The following DMD variants were observed in gnomAD, a reference collection of about 807,000 sequenced individuals.
DMD encodes dystrophin, also known as mutant dystrophin.
Under a neutral mutation model 330.1 loss-of-function variants are expected in DMD, and 63 were observed. The ratio of observed to expected loss-of-function variants is 0.19; its 90% confidence interval spans 0.16 to 0.24. The LOEUF is 0.24. Ranked by LOEUF, DMD falls within the 10% of genes least tolerant of loss-of-function variation. The pLI is 1.00. For missense variants in DMD, 3,344 were observed against 2,684.1 expected, an observed-to-expected ratio of 1.25 and a Z score of -5.43; for synonymous variants, 1,223 against 959.8, an observed-to-expected ratio of 1.27 and a Z score of -5.07.
intron 1 of DMD, among the ~76,000 whole-genome samples, chrX:33,044,025 T>C (rs1182696374): frequency 9.0e-6 from 1 of 111,607 alleles, no homozygotes; most frequent in Non-Finnish European, 1.9e-5. Context: ...GAGCTTCCAC[T>C]AGGCCAGAGG....
rs188363739 is a variant in DMD, at chrX:31,844,853, A to G, written c.7099-8034T>C. On this transcript the variant is annotated intron_variant, in intron 48 of 78. Transcript: ENST00000357033. ...CACTGCAATAACATATTTTTAAATT[A>G]AGGCATGTACATTAGTTTTTAGGCA... Among the ~76,000 whole-genome samples the G allele has an allele frequency of 9.7e-4, 108 of 110,790 alleles. 1 individual carries two copies. Among genetic ancestry groups the G allele is most frequent in the African/African-American group, 3.5e-3 (106 of 30,484 alleles).
rs966697661 is a variant in DMD at position 32,905,156 on chromosome X, T to C, written c.94-55336A>G. Among the ~76,000 whole-genome samples, 63 of 111,969 alleles carry C rather than the reference T, an allele frequency of 5.6e-4. 1 individual carries two copies. The highest frequency in any genetic ancestry group is 1.9e-3 in the African/African-American group (60 of 30,853). ...GCGACAGAAATACAAGTTTTGTTAC[T>C]GATTAGAGATGCAGCAACAGTTTGC... On this transcript the variant is annotated intron_variant, in intron 2 of 78. Transcript: ENST00000357033.
intron 1 of DMD, among the ~76,000 whole-genome samples, chrX:33,192,639 G>C (rs978488890): frequency 1.8e-5 from 2 of 111,691 alleles, no homozygotes; most frequent in Non-Finnish European, 3.8e-5. Flanking sequence ...AAGCCAGAGG[G>C]GAAATATACC....
intron 53 of DMD, 99 bp downstream of exon 53, chrX:31,679,276 T>C: frequency 1.3e-6 from 1 of 783,470 alleles, no homozygotes; most frequent in Non-Finnish European, 1.9e-6. Flanking sequence ...GATTTTCTGT[T>C]AATAACTTTA....
rs957814644 is a variant in DMD, at chrX:32,438,150, T to G, written c.4071+91A>C. ...CTGAAACCTGAAAGCTGAGCTAATA[T>G]TTAAACTATTGCTCATTTTATCTGA... On this transcript the variant is annotated intron_variant, in intron 29 of 78. Transcript: ENST00000357033. The G allele has an allele frequency of 1.0e-5, 10 of 994,173 alleles. No individual in the cohort carries two copies. In the African/African-American group the frequency reaches 1.9e-4, roughly 19 times the overall value. The allele number at this position is 994,173 out of a possible 1,213,427, so 81.9% of individuals were successfully genotyped here.
chrX:32,350,374 G>C (rs1165759735), intron 37 of DMD, among the ~76,000 whole-genome samples: 2 of 111,206 alleles, frequency 1.8e-5, no homozygotes, highest in Non-Finnish European at 3.8e-5. Flanking sequence ...CACATTCCTA[G>C]TATGGAGCAC....
At chrX:31,880,652 A>T (rs1250646224) in intron 47 of DMD, among the ~76,000 whole-genome samples, 2 of 112,144 alleles carry the variant, frequency 1.8e-5, no homozygotes, top group African/African-American at 6.5e-5. Flanking sequence ...TTATACAGTC[A>T]TTCACCACAT....
At chrX:32,405,082 G>A (rs146569117) in intron 30 of DMD, among the ~76,000 whole-genome samples, 1,349 of 111,433 alleles carry the variant, frequency 0.012, 11 homozygotes, top group Middle Eastern at 0.023. Flanking sequence ...AGAAAATGTC[G>A]TATGAAAAAT....
chrX:32,300,616 T>C (rs1370317222), intron 42 of DMD, among the ~76,000 whole-genome samples: 2 of 111,878 alleles, frequency 1.8e-5, no homozygotes, highest in Non-Finnish European at 3.8e-5. Flanking sequence ...GTTGTACACA[T>C]CGCCTAAATC....
At chrX:32,854,157 G>C (rs1452530972) in intron 2 of DMD, among the ~76,000 whole-genome samples, 1 of 111,143 alleles carries the variant, frequency 9.0e-6, no homozygotes, top group African/African-American at 3.3e-5. Flanking sequence ...AAGTCAACTA[G>C]GAAACATTGA....
At chrX:32,454,263 C>T (rs2098345835) in intron 26 of DMD, among the ~76,000 whole-genome samples, 1 of 111,213 alleles carries the variant, frequency 9.0e-6, no homozygotes, top group South Asian at 3.6e-4. Flanking sequence ...TCAGAAATGC[C>T]TTCAAACTAC....
At chrX:32,351,723 G>A (rs1367172595) in intron 37 of DMD, among the ~76,000 whole-genome samples, 1 of 110,351 alleles carries the variant, frequency 9.1e-6, no homozygotes, top group Admixed American at 9.7e-5. Context: ...TTAGTGACAT[G>A]GAATTTTAAA....
At chrX:31,519,036 C>A (rs1033640084) in intron 55 of DMD, among the ~76,000 whole-genome samples, 2 of 111,815 alleles carry the variant, frequency 1.8e-5, no homozygotes, top group Non-Finnish European at 3.8e-5. Flanking sequence ...TGGTCAACAA[C>A]TGAATAATTT....
At chrX:32,681,986 C>T (rs972509984) in intron 9 of DMD, among the ~76,000 whole-genome samples, 1 of 111,232 alleles carries the variant, frequency 9.0e-6, no homozygotes, top group Non-Finnish European at 1.9e-5. Flanking sequence ...GTATGCTTGG[C>T]GTATTTGATG....
At chrX:31,265,298 T>C (rs551889715) in intron 62 of DMD, among the ~76,000 whole-genome samples, 4 of 112,253 alleles carry the variant, frequency 3.6e-5, no homozygotes, top group African/African-American at 9.7e-5. Context: ...TTGGCTTGCA[T>C]TGCTGGAATA....
intron 41 of DMD, among the ~76,000 whole-genome samples, chrX:32,337,189 G>A (rs941494924): frequency 9.0e-6 from 1 of 111,225 alleles, no homozygotes; most frequent in African/African-American, 3.3e-5. Flanking sequence ...AACAAGAGTG[G>A]AAATAATTTA....
intron 37 of DMD, 98 bp from the exon 38 acceptor site, chrX:32,348,626 A>G (rs1424069699): frequency 2.7e-6 from 2 of 747,617 alleles, no homozygotes; most frequent in South Asian, 2.5e-5. Flanking sequence ...TTGCTAAACT[A>G]ATCACATGCA....
intron 1 of DMD, among the ~76,000 whole-genome samples, chrX:33,070,671 CTCTATATATATATATATATA>C (rs1432424850): frequency 6.8e-5 from 3 of 44,024 alleles, no homozygotes; most frequent in African/African-American, 3.0e-4. Context: ...CTCTCTCTCT[CTCTATATATATATATATATA>C]TATATATATA....
chrX:31,895,463 T>G (rs939509397), intron 47 of DMD, among the ~76,000 whole-genome samples: 1 of 111,937 alleles, frequency 8.9e-6, no homozygotes, highest in African/African-American at 3.2e-5. Flanking sequence ...TGCTTAGAAT[T>G]CTGGATGTTT....
Sources: gnomAD v4.1 joint callset for allele counts (sites outside exome capture counted in the v4.1 genomes callset) on GRCh38, gnomAD v4.1.1 for gene constraint, MANE v1.5 for transcripts, NCBI Gene and HGNC (gene_info 2026-07-23, HGNC 2026-07-21) for gene names.